The following PCDH19 variants were observed in gnomAD, a reference collection of about 807,000 sequenced individuals.
The protein encoded by PCDH19 is protocadherin 19.
Under a neutral mutation model 46.2 loss-of-function variants are expected in PCDH19, and 6 were observed. That is an observed-to-expected ratio of 0.13 (90% CI 0.07 to 0.26). The LOEUF (loss-of-function observed/expected upper bound fraction) is 0.26. Ranked by LOEUF, PCDH19 falls within the 10% of genes least tolerant of loss-of-function variation. PCDH19 has a pLI of 1.00. For synonymous variants in PCDH19, 481 were observed against 415.7 expected, an observed-to-expected ratio of 1.16 and a Z score of -1.91; for missense variants, 740 against 972.3, an observed-to-expected ratio of 0.76 and a Z score of 3.18.
At chrX:100,296,940 T>A (rs1602567498) in intron 5 of PCDH19, 65 bp from the exon 6 acceptor site, 2 of 1,030,162 alleles carry the variant, frequency 1.9e-6, no homozygotes, top group East Asian at 6.1e-5. Context: ...TACTCCCCAG[T>A]GTTCTGGTTT....
intron 5 of PCDH19, among the ~76,000 whole-genome samples, chrX:100,311,454 C>G (rs768595322): frequency 1.8e-5 from 2 of 111,684 alleles, no homozygotes; most frequent in Non-Finnish European, 3.8e-5. Flanking sequence ...GGAACTGACA[C>G]TTCCTTCAGT....
At position 100,357,957 on chromosome X, in the gene PCDH19, G is replaced by A. The variant is rs61592553; in HGVS notation, c.2617-7253C>T. Reference sequence around the variant, plus strand: ...ACTTATCACAATTAAGGCAGGTGACGAAGTTTATTAGGCCAAGGTGGTTCT... The same window carrying A: ...ACTTATCACAATTAAGGCAGGTGACAAAGTTTATTAGGCCAAGGTGGTTCT... On this transcript the variant is annotated intron_variant, in intron 3 of 5. Transcript: ENST00000373034. 8.0e-5 allele frequency among the ~76,000 whole-genome samples: 9 copies of A among 112,217 alleles called. No homozygotes were observed. The East Asian group carries it at 1.1e-3, about 14-fold the overall frequency.
intron 4 of PCDH19, among the ~76,000 whole-genome samples, chrX:100,348,114 A>T (rs1243398893): frequency 9.1e-6 from 1 of 109,558 alleles, no homozygotes; most frequent in East Asian, 2.8e-4. Flanking sequence ...AGAAGTTCTC[A>T]AAGTTAGCCT....
At chrX:100,333,161 GGAAGGA>G (rs1309514397) in intron 5 of PCDH19, among the ~76,000 whole-genome samples, 53 of 56,418 alleles carry the variant, frequency 9.4e-4, no homozygotes, top group Middle Eastern at 8.1e-3. Flanking sequence ...AAGGAAGGAA[GGAAGGA>G]AGGAAGGGAG....
intron 3 of PCDH19, among the ~76,000 whole-genome samples, chrX:100,396,574 G>A (rs542835387): frequency 5.4e-5 from 6 of 112,087 alleles, no homozygotes; most frequent in Non-Finnish European, 9.4e-5. Flanking sequence ...GAAGGTGTAC[G>A]GGGAGAGAGG....
chrX:100,330,934 G>C (rs1449347342), intron 5 of PCDH19, among the ~76,000 whole-genome samples: 1 of 112,148 alleles, frequency 8.9e-6, no homozygotes, highest in Non-Finnish European at 1.9e-5. Context: ...CTGATGACCA[G>C]AGACCCTCAA....
intron 3 of PCDH19, among the ~76,000 whole-genome samples, chrX:100,365,016 A>G (rs1026977277): frequency 8.0e-5 from 9 of 112,164 alleles, no homozygotes; most frequent in Non-Finnish European, 1.7e-4. Context: ...CCACACCTTC[A>G]AAGACAATGT....
Position 100,345,601 on chromosome X carries a change from G to T in PCDH19, c.2676-3526C>A, listed in dbSNP as rs778805446. ...AAAAAATTGATCATCTTTTTCATAG[G>T]CATCTGAATGTTACAAACAACCTCA... is the stretch of plus-strand genomic sequence containing the variant. On this transcript the variant is annotated intron_variant, in intron 4 of 5. Coordinates refer to ENST00000373034, the MANE Select transcript of PCDH19 (RefSeq NM_001184880.2). Among the ~76,000 whole-genome samples, 18 of 111,502 alleles carry T rather than the reference G, an allele frequency of 1.6e-4. No homozygotes were observed. In the Admixed American group the frequency reaches 1.6e-3, roughly 10 times the overall value.
In PCDH19 at chrX:100,407,444, T is replaced by C; in HGVS notation, c.1154A>G (p.Gln385Arg). The part of the protein sequence containing the change: ...DRDSGLNGRV[Q>R]CRLLGNVPFR... ...GGGCACATTGCCCAGCAAACGGCAC[T>C]GCACACGTCCATTGAGGCCTGAGTC... The change falls in exon 1 of 6, where the codon CAG (glutamine) becomes CGG (arginine). Residue 385 changes from glutamine to arginine, a missense_variant. Gln to Arg is a conservative substitution (Grantham distance 43). Around this residue, in one of 5 missense-constraint regions of PCDH19, gnomAD observed 186 missense variants for 319.9 expected, o/e 0.58. Transcript: ENST00000373034. The C allele has an allele frequency of 8.2e-7, 1 of 1,212,169 alleles. No homozygotes were observed. Among genetic ancestry groups the C allele is most frequent in the Non-Finnish European group, 1.1e-6 (1 of 895,646 alleles).
In PCDH19 at chrX:100,301,952, T is replaced by C. The variant is rs1020696735; in HGVS notation, c.2849-5077A>G. Among the ~76,000 whole-genome samples, 14 of 112,255 alleles carry C rather than the reference T, an allele frequency of 1.2e-4. No homozygotes were observed. The Admixed American group carries it at 1.3e-3, about 11-fold the overall frequency. On this transcript the variant is annotated intron_variant, in intron 5 of 5. Coordinates refer to ENST00000373034, the MANE Select transcript of PCDH19 (RefSeq NM_001184880.2). ...CCCTTGCAGACATGTAACATAAGAT[T>C]GGACCAACATTATAAAGCAAGATGT...
At chrX:100,379,312 C>T (rs867907346) in intron 3 of PCDH19, among the ~76,000 whole-genome samples, 1 of 4,209 alleles carries the variant, frequency 2.4e-4, no homozygotes, top group African/African-American at 2.6e-4. Context: ...CATACACACA[C>T]ACACACACAC....
At chrX:100,334,093 C>T (rs1288510770) in intron 5 of PCDH19, among the ~76,000 whole-genome samples, 2 of 110,898 alleles carry the variant, frequency 1.8e-5, no homozygotes, top group Non-Finnish European at 3.8e-5. Flanking sequence ...CCCAGCCCAC[C>T]ACAAGTAATT....
chrX:100,402,470 C>A (rs947375043), intron 3 of PCDH19, 54 bp downstream of exon 3: 14 of 1,021,903 alleles, frequency 1.4e-5, no homozygotes, highest in Non-Finnish European at 1.9e-5. Flanking sequence ...ATCCAGCGAG[C>A]AGCTAAAGAA....
chrX:100,330,213 T>C (rs892945240), intron 5 of PCDH19, among the ~76,000 whole-genome samples: 5 of 112,362 alleles, frequency 4.4e-5, no homozygotes, highest in African/African-American at 9.7e-5. Flanking sequence ...TTGGAACAGT[T>C]TGACCAGCCT....
At chrX:100,337,220 T>C (rs1216040704) in intron 5 of PCDH19, among the ~76,000 whole-genome samples, 1 of 111,640 alleles carries the variant, frequency 9.0e-6, no homozygotes, top group Admixed American at 9.5e-5. Flanking sequence ...TCAAGCCAAG[T>C]AATTCCCTCA....
chrX:100,348,804 C>G (rs1225566693), intron 4 of PCDH19, among the ~76,000 whole-genome samples: 1 of 112,068 alleles, frequency 8.9e-6, no homozygotes, highest in Non-Finnish European at 1.9e-5. Flanking sequence ...ATCTATCAGT[C>G]TACCTTGTAA....
chrX:100,322,505 T>C (rs1470890366), intron 5 of PCDH19, among the ~76,000 whole-genome samples: 5 of 111,018 alleles, frequency 4.5e-5, no homozygotes, highest in Non-Finnish European at 9.4e-5. Flanking sequence ...GGTAGTGTGA[T>C]TCCTCCAGAT....
rs1925062740 is a variant in PCDH19 at position 100,309,440 on chromosome X, C to T, written c.2849-12565G>A. ...TGCACATTGGGTAGAGTGTACACAT[C>T]TTGGGTGATGGGTGCACCAAAATCT... is the stretch of plus-strand genomic sequence containing the variant. On this transcript the variant is annotated intron_variant, in intron 5 of 5. Coordinates refer to ENST00000373034, the MANE Select transcript of PCDH19 (RefSeq NM_001184880.2). Among the ~76,000 whole-genome samples, 7 of 111,330 alleles carry T rather than the reference C, an allele frequency of 6.3e-5. 1 individual carries two copies. The South Asian group carries it at 2.3e-3, about 36-fold the overall frequency.
At chrX:100,392,659 G>A (rs1927895073) in intron 3 of PCDH19, among the ~76,000 whole-genome samples, 2 of 111,549 alleles carry the variant, frequency 1.8e-5, no homozygotes, top group African/African-American at 6.5e-5. Context: ...TGAGTGCAGT[G>A]TGTCTGTGTC....
Sources: allele counts gnomAD v4.1 joint callset (sites outside exome capture counted in the v4.1 genomes callset), GRCh38; gene constraint gnomAD v4.1.1; regional missense constraint gnomAD v4.1.1; transcripts MANE v1.5; gene names NCBI Gene and HGNC (gene_info 2026-07-23, HGNC 2026-07-21).